Variants in TACR1 observed in about 807,000 individuals in gnomAD.
TACR1 encodes the protein tachykinin receptor 1.
A neutral mutation model predicts 35.8 loss-of-function variants in TACR1; 25 were observed. The observed-to-expected ratio is 0.70, with a 90% CI of 0.51 to 0.98. The LOEUF is 0.98. TACR1 is among the 50% of genes least tolerant of loss of function. The probability of loss-of-function intolerance (pLI) is 0.00; values close to 1 mark genes in which losing one functional copy is unlikely to be tolerated. For synonymous variants in TACR1, 195 were observed against 206.7 expected (o/e 0.94, Z 0.48); for missense variants, 478 against 522.9 (o/e 0.91, Z 0.84).
chr2:75,049,282 G>C lies in TACR1; in HGVS notation c.*150C>G. 2.4e-6 allele frequency: 2 copies of C among 839,558 alleles called. No individual in the cohort carries two copies. The highest frequency in any genetic ancestry group is 1.8e-6 in the Non-Finnish European group (1 of 554,048). 52.0% of individuals were successfully genotyped at this position (839,558 alleles called of 1,614,324 possible). A position where few individuals can be genotyped will look rare whatever the true frequency, so the allele number is the denominator to read the frequency against. ...GAAGAATTGAGATTTTTTGACTCAA[G>C]GATGGAATGTTTTCCCTAACCCATA... On this transcript the variant is annotated 3_prime_UTR_variant, in exon 5 of 5. Coordinates refer to ENST00000305249, the MANE Select transcript of TACR1 (RefSeq NM_001058.4).
chr2:75,131,914 GTACTCC>G (rs1674185816), intron 1 of TACR1, among the ~76,000 whole-genome samples: 1 of 152,112 alleles, frequency 6.6e-6, no homozygotes, highest in African/African-American at 2.4e-5. Flanking sequence ...TTTCAATGGA[GTACTCC>G]TACATTTTTA....
intron 1 of TACR1, among the ~76,000 whole-genome samples, chr2:75,194,298 T>C (rs759925693): frequency 3.3e-5 from 5 of 152,086 alleles, no homozygotes; most frequent in Admixed American, 6.5e-5. Flanking sequence ...AATGCTGACA[T>C]TGGAAAAGAC....
intron 2 of TACR1, among the ~76,000 whole-genome samples, chr2:75,106,091 CTGAG>C (rs1161037812): frequency 2.0e-5 from 3 of 151,942 alleles, no homozygotes; most frequent in African/African-American, 7.2e-5. Context: ...CTAAGAAAAA[CTGAG>C]TGTGGAGTAT....
chr2:75,101,732 G>T (rs949493487), intron 2 of TACR1, among the ~76,000 whole-genome samples: 1 of 152,128 alleles, frequency 6.6e-6, no homozygotes, highest in African/African-American at 2.4e-5. Flanking sequence ...CAGATCATTT[G>T]GGGTCAGGAG....
intron 1 of TACR1, among the ~76,000 whole-genome samples, chr2:75,175,946 ATAAT>A (rs1675402271): frequency 6.7e-6 from 1 of 150,366 alleles, no homozygotes; most frequent in Admixed American, 6.6e-5. Flanking sequence ...TTTATTGCCG[ATAAT>A]TAATCCTCAT....
chr2:75,133,734 G>A (rs1674223800), intron 1 of TACR1, among the ~76,000 whole-genome samples: 1 of 152,130 alleles, frequency 6.6e-6, no homozygotes, highest in South Asian at 2.1e-4. Context: ...ATTTGTCGGG[G>A]ACATCTGAAC....
chr2:75,194,320 T>G (rs889892756), intron 1 of TACR1, among the ~76,000 whole-genome samples: 11 of 152,190 alleles, frequency 7.2e-5, no homozygotes, highest in African/African-American at 2.7e-4. Flanking sequence ...GGGCCAGTTG[T>G]GGCCAATGAG....
At chr2:75,158,180 C>T (rs111957169) in intron 1 of TACR1, among the ~76,000 whole-genome samples, 45 of 152,310 alleles carry the variant, frequency 3.0e-4, no homozygotes, top group Admixed American at 1.3e-4. Context: ...TGATTCACTT[C>T]GGGTAAATGT....
chr2:75,055,076 A>G (rs745806969), intron 2 of TACR1, among the ~76,000 whole-genome samples: 3 of 152,196 alleles, frequency 2.0e-5, no homozygotes, highest in Non-Finnish European at 2.9e-5. Flanking sequence ...CCTTTTGTCA[A>G]TGGAGAAAAG....
chr2:75,182,266 C>T (rs1675576936), intron 1 of TACR1, among the ~76,000 whole-genome samples: 1 of 152,140 alleles, frequency 6.6e-6, no homozygotes, highest in Non-Finnish European at 1.5e-5. Context: ...CCCCCATTGC[C>T]CCAAAATTTC....
intron 2 of TACR1, among the ~76,000 whole-genome samples, chr2:75,077,575 A>G (rs1392484994): frequency 1.3e-5 from 2 of 152,246 alleles, no homozygotes; most frequent in East Asian, 1.9e-4. Context: ...TTAGCAGGCT[A>G]TCCTGAGGCA....
At chr2:75,103,794 G>A (rs1433770743) in intron 2 of TACR1, among the ~76,000 whole-genome samples, 1 of 152,114 alleles carries the variant, frequency 6.6e-6, no homozygotes, top group Non-Finnish European at 1.5e-5. Flanking sequence ...GACAAAGATG[G>A]TGGAGTAGGG....
chr2:75,192,666 G>A (rs1372234475), intron 1 of TACR1, among the ~76,000 whole-genome samples: 2 of 152,122 alleles, frequency 1.3e-5, no homozygotes, highest in Non-Finnish European at 2.9e-5. Context: ...GAGCATGTAG[G>A]CAGATGTCTA....
intron 1 of TACR1, among the ~76,000 whole-genome samples, chr2:75,176,561 G>A (rs1488726845): frequency 3.9e-5 from 6 of 152,106 alleles, no homozygotes; most frequent in Middle Eastern, 3.4e-3. Context: ...CTCCCCAAAT[G>A]GACTTTCCCA....
intron 1 of TACR1, among the ~76,000 whole-genome samples, chr2:75,126,483 A>AT (rs1323584547): frequency 1.3e-5 from 2 of 152,124 alleles, no homozygotes; most frequent in Non-Finnish European, 2.9e-5. Context: ...GGTAGTTCTG[A>AT]TTTTAGCTCT....
In TACR1 at chr2:75,053,677, G is replaced by C. The variant is rs201060197; in HGVS notation, c.663C>G (p.Ile221Met). 5 of 1,612,642 alleles carry C rather than the reference G, an allele frequency of 3.1e-6. No individual in the cohort carries two copies. The highest frequency in any genetic ancestry group is 4.2e-6 in the Non-Finnish European group (5 of 1,179,454). ...VIGYAYTVVG[I>M]TLWASEIPGD... ...CGGGGATCTCACTGGCCCATAGTGTGATTCCCACTACGGTGTATGCATAGC... is the reference window on the plus strand; with the variant it reads ...CGGGGATCTCACTGGCCCATAGTGTCATTCCCACTACGGTGTATGCATAGC... The change falls in exon 3 of 5, where the codon ATC becomes ATG. Residue 221 changes from isoleucine (I) to methionine (M), a missense_variant. Physicochemically the swap from Ile to Met is conservative, Grantham distance 10. Transcript: ENST00000305249.
intron 2 of TACR1, among the ~76,000 whole-genome samples, chr2:75,092,715 G>T (rs893840414): frequency 2.6e-5 from 4 of 152,112 alleles, no homozygotes; most frequent in African/African-American, 9.7e-5. Context: ...AGCCCCACTG[G>T]ATTCTCACAG....
intron 2 of TACR1, among the ~76,000 whole-genome samples, chr2:75,115,867 A>G (rs1673845157): frequency 7.6e-6 from 1 of 132,366 alleles, no homozygotes; most frequent in Non-Finnish European, 1.5e-5. Flanking sequence ...AGATCGCGCC[A>G]CTGCACTCCA....
At chr2:75,179,769 C>T (rs553739101) in intron 1 of TACR1, among the ~76,000 whole-genome samples, 5 of 152,292 alleles carry the variant, frequency 3.3e-5, no homozygotes, top group South Asian at 2.1e-4. Context: ...GGCTGAGCCA[C>T]ATGATGGAAA....
Sources: allele counts gnomAD v4.1 joint callset (sites outside exome capture counted in the v4.1 genomes callset), GRCh38; gene constraint gnomAD v4.1.1; transcripts MANE v1.5; gene names NCBI Gene and HGNC (gene_info 2026-07-23, HGNC 2026-07-21).